CACNA1D: variants seen among roughly 807,000 people sequenced by gnomAD.
The protein encoded by CACNA1D is calcium voltage-gated channel subunit alpha1 D.
Under a neutral mutation model 257.1 loss-of-function variants are expected in CACNA1D, and 55 were observed. The ratio of observed to expected loss-of-function variants is 0.21; its 90% CI spans 0.17 to 0.27. CACNA1D has a LOEUF of 0.27. Ranked by LOEUF, CACNA1D falls within the 10% of genes least tolerant of loss-of-function variation. The pLI is 1.00. For synonymous variants in CACNA1D, 980 were observed against 1,014.9 expected, an observed-to-expected ratio of 0.97 and a Z score of 0.65; for missense variants, 1,876 against 2,784.0, an observed-to-expected ratio of 0.67 and a Z score of 7.34.
At chr3:53,536,870 T>C (rs1025871775) in intron 3 of CACNA1D, among the ~76,000 whole-genome samples, 5 of 152,214 alleles carry the variant, frequency 3.3e-5, no homozygotes, top group African/African-American at 1.2e-4. Context: ...TTTGCCAATC[T>C]TTGGTCTAGA....
At chr3:53,682,286 A>G (rs2094436605) in intron 8 of CACNA1D, among the ~76,000 whole-genome samples, 1 of 146,100 alleles carries the variant, frequency 6.8e-6, no homozygotes, top group Admixed American at 7.0e-5. Flanking sequence ...CGAGCAATTC[A>G]GAAGGGTGAG....
chr3:53,556,517 G>C (rs1174314895), intron 3 of CACNA1D, among the ~76,000 whole-genome samples: 1 of 151,986 alleles, frequency 6.6e-6, no homozygotes, highest in Non-Finnish European at 1.5e-5. Flanking sequence ...GTTATTTCAT[G>C]CGCTTATTTG....
At chr3:53,782,060 C>T in intron 39 of CACNA1D, 1 of 178,792 alleles carries the variant, frequency 5.6e-6, no homozygotes, top group Non-Finnish European at 1.2e-5. Flanking sequence ...AAATAGACAG[C>T]TTTCAGGAAA....
At chr3:53,647,100 G>T (rs1461736363) in intron 3 of CACNA1D, among the ~76,000 whole-genome samples, 3 of 152,000 alleles carry the variant, frequency 2.0e-5, no homozygotes, top group Non-Finnish European at 4.4e-5. Flanking sequence ...TTCTCTAGTG[G>T]CTTGAGTTCT....
intron 8 of CACNA1D, among the ~76,000 whole-genome samples, chr3:53,700,083 A>T (rs902322817): frequency 1.3e-4 from 18 of 134,046 alleles, no homozygotes; most frequent in South Asian, 8.4e-4. Context: ...TATATAATTT[A>T]AAAATAAAAT....
intron 3 of CACNA1D, among the ~76,000 whole-genome samples, chr3:53,617,845 C>G (rs1444703388): frequency 6.6e-6 from 1 of 152,162 alleles, no homozygotes; most frequent in Non-Finnish European, 1.5e-5. Flanking sequence ...GGAATGGAGG[C>G]ATGTGTGCAG....
At chr3:53,777,568 G>A (rs1157523828) in intron 37 of CACNA1D, among the ~76,000 whole-genome samples, 1 of 152,186 alleles carries the variant, frequency 6.6e-6, no homozygotes, top group Non-Finnish European at 1.5e-5. Context: ...AGGACTTGGT[G>A]GCCTGGGTGA....
chr3:53,642,060 T>G (rs73840164), intron 3 of CACNA1D, among the ~76,000 whole-genome samples: 31 of 152,042 alleles, frequency 2.0e-4, no homozygotes, highest in Admixed American at 2.0e-3. Flanking sequence ...CTTTTATAAC[T>G]GAAAAGCCCA....
At chr3:53,802,437 C>T (rs752072422) in intron 43 of CACNA1D, among the ~76,000 whole-genome samples, 17 of 152,196 alleles carry the variant, frequency 1.1e-4, no homozygotes, top group Non-Finnish European at 2.2e-4. Flanking sequence ...CTGCAGGCCT[C>T]GCGATGGCAC....
chr3:53,601,535 G>A (rs899410634), intron 3 of CACNA1D, among the ~76,000 whole-genome samples: 3 of 152,094 alleles, frequency 2.0e-5, no homozygotes, highest in Non-Finnish European at 4.4e-5. Context: ...TTTGAGTAGC[G>A]GAAAAGAGCC....
Position 53,793,670 on chromosome 3 carries a change from A to T in CACNA1D, c.4924-6579A>T, listed in dbSNP as rs2095495002. ...CTTGGGCCTGGCTGTGTTGCTGGGGAATGGCATTGGCTAAGGTTGGTAGCC... is the reference window on the plus strand; with the variant it reads ...CTTGGGCCTGGCTGTGTTGCTGGGGTATGGCATTGGCTAAGGTTGGTAGCC... On this transcript the variant is annotated intron_variant, in intron 40 of 47. Transcript: ENST00000350061. This position sits in a 1 kb window ranked among gnomAD's most constrained non-coding sequence, Gnocchi z 4.1. Among the ~76,000 whole-genome samples the T allele has an allele frequency of 6.6e-6, 1 of 152,202 alleles. No homozygotes were observed. The highest frequency in any genetic ancestry group is 2.1e-4 in the South Asian group (1 of 4,830).
At chr3:53,566,059 A>G (rs756551194) in intron 3 of CACNA1D, among the ~76,000 whole-genome samples, 24 of 152,212 alleles carry the variant, frequency 1.6e-4, no homozygotes, top group African/African-American at 2.2e-4. Flanking sequence ...GCCTTTTCCA[A>G]TCTGGGTGGC....
chr3:53,652,401 G>A (rs1576238940), intron 4 of CACNA1D, among the ~76,000 whole-genome samples: 2 of 152,306 alleles, frequency 1.3e-5, no homozygotes, highest in East Asian at 1.9e-4. Context: ...ATAGGGGAGG[G>A]GAGGGAGCTA....
intron 3 of CACNA1D, among the ~76,000 whole-genome samples, chr3:53,628,894 A>T (rs540182116): frequency 2.0e-5 from 3 of 152,364 alleles, no homozygotes; most frequent in Admixed American, 6.5e-5. Context: ...TTCATCTTAG[A>T]AGAAGGAACA....
chr3:53,542,976 C>T (rs886207684), intron 3 of CACNA1D, among the ~76,000 whole-genome samples: 49 of 151,750 alleles, frequency 3.2e-4, no homozygotes, highest in Non-Finnish European at 4.3e-4. Flanking sequence ...CGCTTGAACC[C>T]GGGAGGCGGA....
At chr3:53,777,073 A>C in intron 37 of CACNA1D, 117 bp downstream of exon 37, 2 of 774,026 alleles carry the variant, frequency 2.6e-6, no homozygotes, top group Non-Finnish European at 4.6e-6. Flanking sequence ...TGCAGCAATG[A>C]ATAATATGTG....
Position 53,788,106 on chromosome 3 carries a change from A to AGAATAT in CACNA1D, c.4923+1177_4923+1182dup, listed in dbSNP as rs377518395. Among the ~76,000 whole-genome samples, 536 of 152,238 alleles carry AGAATAT rather than the reference A, an allele frequency of 3.5e-3. 4 individuals are homozygous for AGAATAT. The highest frequency in any genetic ancestry group is 0.012 in the African/African-American group (493 of 41,522). ...CTTATCTTTGATCTTGCTGAGAGAGAGAATATGAATATGAATATGAATATG... is the reference window on the plus strand; with the variant it reads ...CTTATCTTTGATCTTGCTGAGAGAGAGAATATGAATATGAATATGAATATGAATATG... On this transcript the variant is annotated intron_variant, in intron 40 of 47. Coordinates refer to ENST00000350061, the MANE Select transcript of CACNA1D (RefSeq NM_001128840.3).
intron 3 of CACNA1D, among the ~76,000 whole-genome samples, chr3:53,579,560 G>A (rs2093095704): frequency 6.6e-6 from 1 of 152,268 alleles, no homozygotes; most frequent in East Asian, 1.9e-4. Flanking sequence ...ATTTACTGAG[G>A]GAATTGTTGA....
At position 53,723,603 on chromosome 3, in the gene CACNA1D, C is replaced by T. The variant is rs908078315; in HGVS notation, c.1836C>T (p.Pro612=). ...TILVELEIMS[P]LGISVFRCVR... ...TGGTGGAACTGGAAATCATGTCTCCCCTGGGGATCTCTGTGTTTCGGTGTG... is the reference window on the plus strand; with the variant it reads ...TGGTGGAACTGGAAATCATGTCTCCTCTGGGGATCTCTGTGTTTCGGTGTG... Residue 612 remains proline, a synonymous_variant, in exon 13 of 48, where the codon CCC becomes CCT. Transcript: ENST00000350061. This position sits in a 1 kb window ranked among gnomAD's most constrained non-coding sequence, Gnocchi z 5.6. The T allele has an allele frequency of 1.2e-6, 2 of 1,614,074 alleles. No individual in the cohort carries two copies. The highest frequency in any genetic ancestry group is 1.1e-5 in the South Asian group (1 of 91,072).
Sources: allele counts gnomAD v4.1 joint callset (sites outside exome capture counted in the v4.1 genomes callset), GRCh38; gene constraint gnomAD v4.1.1; non-coding constraint Gnocchi (gnomAD v3.1); transcripts MANE v1.5; gene names NCBI Gene and HGNC (gene_info 2026-07-23, HGNC 2026-07-21).